Variants in LRMDA observed in about 807,000 individuals in gnomAD.
LRMDA encodes leucine-rich melanocyte differentiation-associated protein.
In LRMDA, 18 loss-of-function variants were observed where a neutral mutation model predicts 29.8. That is an observed-to-expected ratio of 0.60 (90% CI 0.42 to 0.90). The LOEUF (loss-of-function observed/expected upper bound fraction) is 0.90, where lower values mean the gene tolerates loss of function less well. LRMDA is among the 40% of genes least tolerant of loss of function. The pLI is 0.00. For synonymous variants in LRMDA, 125 were observed against 109.4 expected (o/e 1.14, Z -0.89); for missense variants, 273 against 273.9 (o/e 1.00, Z 0.02).
intron 2 of LRMDA, among the ~76,000 whole-genome samples, chr10:75,761,364 A>C (rs1346794378): frequency 6.6e-6 from 1 of 152,258 alleles, no homozygotes; most frequent in Non-Finnish European, 1.5e-5. Flanking sequence ...AAAAGGAATG[A>C]AATTCTGATA....
chr10:75,513,774 C>T (rs910516085), intron 2 of LRMDA, among the ~76,000 whole-genome samples: 3 of 152,240 alleles, frequency 2.0e-5, no homozygotes, highest in Admixed American at 6.5e-5. Context: ...TACAAACGAG[C>T]CTTGTGATTA....
intron 2 of LRMDA, among the ~76,000 whole-genome samples, chr10:75,506,672 C>G (rs1845171720): frequency 6.6e-6 from 1 of 152,178 alleles, no homozygotes. Flanking sequence ...TCCCATGTAT[C>G]CCCTGTAGAG....
chr10:76,055,068 A>G (rs983650695), intron 4 of LRMDA, among the ~76,000 whole-genome samples: 1 of 121,466 alleles, frequency 8.2e-6, no homozygotes, highest in African/African-American at 4.1e-5. Flanking sequence ...CATCTCAAAA[A>G]AAAAAAAAAA....
intron 2 of LRMDA, among the ~76,000 whole-genome samples, chr10:75,884,245 T>TTG (rs57507869): frequency 0.072 from 7,910 of 109,354 alleles, 336 homozygotes; most frequent in East Asian, 0.14. Flanking sequence ...GCAGGCGACT[T>TTG]TGTGTGTGTG....
chr10:76,396,130 C>T (rs1362530466), intron 6 of LRMDA, among the ~76,000 whole-genome samples: 1 of 152,162 alleles, frequency 6.6e-6, no homozygotes, highest in Non-Finnish European at 1.5e-5. Context: ...TGGCTGGAAG[C>T]TGCCACGTTT....
At chr10:76,356,915 T>G (rs1408966115) in intron 6 of LRMDA, among the ~76,000 whole-genome samples, 1 of 152,134 alleles carries the variant, frequency 6.6e-6, no homozygotes, top group Admixed American at 6.6e-5. Context: ...AACAATGACT[T>G]TGGAATTTTT....
intron 2 of LRMDA, among the ~76,000 whole-genome samples, chr10:75,747,872 A>C (rs1194896397): frequency 2.0e-5 from 3 of 152,166 alleles, no homozygotes; most frequent in Admixed American, 2.0e-4. Flanking sequence ...TTTAAAAATT[A>C]AATCAATTTT....
intron 6 of LRMDA, among the ~76,000 whole-genome samples, chr10:76,550,544 A>G (rs1253179421): frequency 6.0e-5 from 8 of 132,810 alleles, no homozygotes; most frequent in Non-Finnish European, 4.6e-5. Context: ...TATAGCATGC[A>G]CTGTTGCGAT....
At chr10:76,402,520 T>G (rs1171943875) in intron 6 of LRMDA, among the ~76,000 whole-genome samples, 4 of 151,970 alleles carry the variant, frequency 2.6e-5, no homozygotes, top group Non-Finnish European at 5.9e-5. Flanking sequence ...CCTGGCTAAT[T>G]TTTAATCTTT....
At position 75,551,409 on chromosome 10, in the gene LRMDA, C is replaced by T. The variant is rs571573488; in HGVS notation, c.131+112915C>T. ...TACGGGTTTGTTACATAGGTATACA[C>T]GTGCCATGGTGGTTTGCTGCACTCA... On this transcript the variant is annotated intron_variant, in intron 2 of 6. Transcript: ENST00000611255. Among the ~76,000 whole-genome samples, 25 of 151,972 alleles carry T rather than the reference C, an allele frequency of 1.6e-4. No homozygotes were observed. The South Asian group carries it at 1.9e-3, about 11-fold the overall frequency.
chr10:76,356,744 G>A (rs73290726), intron 6 of LRMDA, among the ~76,000 whole-genome samples: 2,044 of 152,180 alleles, frequency 0.013, 49 homozygotes, highest in African/African-American at 0.047. Flanking sequence ...TTGTGTGTGC[G>A]TGTGTTTTTT....
intron 2 of LRMDA, among the ~76,000 whole-genome samples, chr10:75,566,228 G>A (rs1430336): frequency 0.61 from 92,972 of 151,976 alleles, 31,462 homozygotes; most frequent in East Asian, 0.85. Flanking sequence ...TATATTATCT[G>A]TCTCATTGCT....
chr10:76,257,782 A>G (rs921775490), intron 5 of LRMDA, among the ~76,000 whole-genome samples: 2 of 152,330 alleles, frequency 1.3e-5, no homozygotes, highest in East Asian at 3.9e-4. Flanking sequence ...AGAGTTATAT[A>G]TAAGGTCACA....
chr10:75,705,813 G>A (rs749760422), intron 2 of LRMDA, among the ~76,000 whole-genome samples: 18 of 152,138 alleles, frequency 1.2e-4, no homozygotes, highest in Non-Finnish European at 2.4e-4. Context: ...GGGAAACCCT[G>A]GTGGCTATAG....
chr10:76,144,237 T>C (rs1235626606), intron 5 of LRMDA, among the ~76,000 whole-genome samples: 1 of 152,206 alleles, frequency 6.6e-6, no homozygotes, highest in Non-Finnish European at 1.5e-5. Flanking sequence ...AGAAAGCCAT[T>C]GGTAGCTTGA....
At position 76,477,489 on chromosome 10, in the gene LRMDA, T is replaced by C. The variant is rs371343870; in HGVS notation, c.602-79720T>C. Among the ~76,000 whole-genome samples the C allele has an allele frequency of 4.0e-4, 61 of 151,960 alleles. No homozygotes were observed. The East Asian group carries it at 0.01, about 26-fold the overall frequency. On this transcript the variant is annotated intron_variant, in intron 6 of 6. Coordinates refer to ENST00000611255, the MANE Select transcript of LRMDA (RefSeq NM_001305581.2). ...TGGCCATACTGCCCAAGGTAATTTA[T>C]AGATTCAATGCCATCCCCATCAAGC...
chr10:75,763,171 AG>A (rs2132229054), intron 2 of LRMDA, among the ~76,000 whole-genome samples: 1 of 152,358 alleles, frequency 6.6e-6, no homozygotes, highest in South Asian at 2.1e-4. Context: ...ATTTGTGAAA[AG>A]TTTTTCTAAA....
chr10:75,719,998 A>G (rs1842546510), intron 2 of LRMDA, among the ~76,000 whole-genome samples: 1 of 152,096 alleles, frequency 6.6e-6, no homozygotes, highest in African/African-American at 2.4e-5. Flanking sequence ...CACATTTACA[A>G]TATCTTTCTT....
intron 2 of LRMDA, among the ~76,000 whole-genome samples, chr10:75,982,381 C>T (rs758353251): frequency 2.0e-5 from 3 of 152,152 alleles, no homozygotes; most frequent in Non-Finnish European, 4.4e-5. Flanking sequence ...CCTTGGACCC[C>T]GCATTGCCTT....
Sources: gnomAD v4.1 joint callset for allele counts (sites outside exome capture counted in the v4.1 genomes callset) on GRCh38, gnomAD v4.1.1 for gene constraint, MANE v1.5 for transcripts, NCBI Gene and HGNC (gene_info 2026-07-23, HGNC 2026-07-21) for gene names.